SETBP1: variants seen among roughly 807,000 people sequenced by gnomAD.
SETBP1 encodes the protein SET-binding protein.
Under a neutral mutation model 101.0 loss-of-function variants are expected in SETBP1, and 9 were observed. The observed-to-expected ratio is 0.09, with a 90% CI of 0.05 to 0.16. The LOEUF is 0.16. Ranked by LOEUF, SETBP1 falls within the 10% of genes least tolerant of loss-of-function variation. The probability of loss-of-function intolerance (pLI) is 1.00; values close to 1 mark genes in which losing one functional copy is unlikely to be tolerated. For missense variants in SETBP1, 1,858 were observed against 2,033.8 expected (o/e 0.91, Z 1.66); for synonymous variants, 818 against 788.5 (o/e 1.04, Z -0.63).
chr18:44,950,191 T>C lies in SETBP1; in HGVS notation c.851T>C (p.Leu284Pro), dbSNP rs776232526. The change falls in exon 4 of 6, where the codon CTG (leucine) becomes CCG (proline). Residue 284 changes from leucine (L) to proline (P), a missense_variant. Physicochemically the swap from Leu to Pro is moderately conservative, Grantham distance 98. This residue lies in a region of SETBP1 where 581 missense variants were observed against 535.1 expected (regional missense o/e 1.09). Transcript: ENST00000649279. Reference protein sequence around the residue: ...WSQLSNNNKDLLLGGVAPSPS... With the variant: ...WSQLSNNNKDPLLGGVAPSPS... The stretch of plus-strand genomic sequence containing the variant: ...CAGTTGTCTAACAATAACAAAGATC[T>C]GCTCTTGGGAGGTGTGGCTCCATCC... The C allele has an allele frequency of 6.2e-7, 1 of 1,613,922 alleles. No homozygotes were observed. The highest frequency in any genetic ancestry group is 1.1e-5 in the South Asian group (1 of 91,088).
At chr18:44,958,634 A>T (rs2071544867) in intron 4 of SETBP1, among the ~76,000 whole-genome samples, 1 of 152,172 alleles carries the variant, frequency 6.6e-6, no homozygotes, top group Non-Finnish European at 1.5e-5. Context: ...GGGAAGCTTC[A>T]CATCAAGGAG....
intron 4 of SETBP1, among the ~76,000 whole-genome samples, chr18:44,995,569 G>A (rs1371220379): frequency 6.7e-6 from 1 of 150,016 alleles, no homozygotes; most frequent in Non-Finnish European, 1.5e-5. Flanking sequence ...GTGTGTGTGT[G>A]TGTGTATAAA....
chr18:45,040,848 C>T (rs996267091), intron 5 of SETBP1, among the ~76,000 whole-genome samples: 1 of 152,228 alleles, frequency 6.6e-6, no homozygotes. Flanking sequence ...AAATGAGACC[C>T]TCATGAGAAT....
At chr18:45,006,882 C>T (rs559572703) in intron 4 of SETBP1, among the ~76,000 whole-genome samples, 1 of 152,164 alleles carries the variant, frequency 6.6e-6, no homozygotes, top group Admixed American at 6.5e-5. Flanking sequence ...CTCTGTTGCA[C>T]CAAGTGAACT....
chr18:44,739,920 A>G (rs1408522535), intron 2 of SETBP1, among the ~76,000 whole-genome samples: 1 of 152,190 alleles, frequency 6.6e-6, no homozygotes, highest in Non-Finnish European at 1.5e-5. Context: ...TCAGAAGAAT[A>G]GAAAACCTGA....
intron 1 of SETBP1, among the ~76,000 whole-genome samples, chr18:44,685,640 C>A (rs1256126964): frequency 6.6e-6 from 1 of 152,150 alleles, no homozygotes; most frequent in Non-Finnish European, 1.5e-5. Context: ...GCTTACCCTG[C>A]CTACTTCACG....
At chr18:44,852,308 C>A (rs1016073903) in intron 2 of SETBP1, among the ~76,000 whole-genome samples, 1 of 152,202 alleles carries the variant, frequency 6.6e-6, no homozygotes, top group Non-Finnish European at 1.5e-5. Context: ...GTGCCCTCAG[C>A]CTCTTTTGAG....
chr18:44,882,763 G>A (rs1337382371), intron 3 of SETBP1, among the ~76,000 whole-genome samples: 1 of 152,090 alleles, frequency 6.6e-6, no homozygotes, highest in Non-Finnish European at 1.5e-5. Context: ...GATTAGCATG[G>A]CAGGGCTCAT....
chr18:44,965,104 A>G (rs1402734718), intron 4 of SETBP1, among the ~76,000 whole-genome samples: 1 of 152,230 alleles, frequency 6.6e-6, no homozygotes, highest in African/African-American at 2.4e-5. Flanking sequence ...CTTGAATATC[A>G]CTGAATGTTG....
chr18:44,860,204 C>T (rs921533362), intron 2 of SETBP1, among the ~76,000 whole-genome samples: 2 of 152,194 alleles, frequency 1.3e-5, no homozygotes, highest in South Asian at 2.1e-4. Context: ...GATATTCCCT[C>T]AGCACCCAGC....
At chr18:44,990,143 CTG>C (rs2072334780) in intron 4 of SETBP1, among the ~76,000 whole-genome samples, 1 of 151,904 alleles carries the variant, frequency 6.6e-6, no homozygotes, top group Admixed American at 6.6e-5. Context: ...TCTAACAAAA[CTG>C]AGAGTATTTT....
chr18:44,688,613 C>G lies in SETBP1; in HGVS notation c.-173+7592C>G, dbSNP rs985185275. ...GATTATAGTCACCCGCCACCATGCC[C>G]AGCTAATTTTTTATATTTGTTGTAG... On this transcript the variant is annotated intron_variant, in intron 1 of 5. Coordinates refer to ENST00000649279, the MANE Select transcript of SETBP1 (RefSeq NM_015559.3). 6.6e-5 allele frequency among the ~76,000 whole-genome samples: 10 copies of G among 152,066 alleles called. No homozygotes were observed. The South Asian group carries it at 2.1e-3, about 32-fold the overall frequency.
Position 44,970,712 on chromosome 18 carries a change from C to T in SETBP1, c.4000+17372C>T, listed in dbSNP as rs191585878. ...GATTACAGGCACGTGCCACCACACC[C>T]AGCTAATTTTGTATTTTTAGTAGAG... On this transcript the variant is annotated intron_variant, in intron 4 of 5. Transcript: ENST00000649279. Among the ~76,000 whole-genome samples, 572 of 152,110 alleles carry T rather than the reference C, an allele frequency of 3.8e-3. 1 individual carries two copies. The highest frequency in any genetic ancestry group is 0.013 in the African/African-American group (535 of 41,482).
intron 3 of SETBP1, among the ~76,000 whole-genome samples, chr18:44,883,330 G>A (rs916849394): frequency 6.6e-6 from 1 of 152,162 alleles, no homozygotes; most frequent in African/African-American, 2.4e-5. Context: ...GGCTACTAAT[G>A]TAGCTCAGCC....
At chr18:44,697,435 T>A (rs2069038844) in intron 1 of SETBP1, 1 of 152,302 alleles carries the variant, frequency 6.6e-6, no homozygotes, top group Admixed American at 6.5e-5. Context: ...TGGATTATAA[T>A]CCTCAGGATA....
intron 2 of SETBP1, among the ~76,000 whole-genome samples, chr18:44,746,050 T>C (rs1048210821): frequency 3.3e-5 from 5 of 152,176 alleles, no homozygotes; most frequent in Non-Finnish European, 7.3e-5. Context: ...GGGGTCACTC[T>C]GCCACTCTGC....
chr18:44,879,027 C>T (rs1174283648), intron 3 of SETBP1, among the ~76,000 whole-genome samples: 3 of 152,194 alleles, frequency 2.0e-5, no homozygotes, highest in African/African-American at 7.2e-5. Context: ...TTGTACATCT[C>T]TCACCTTCCT....
chr18:45,050,604 TA>T (rs2073705742), intron 5 of SETBP1, among the ~76,000 whole-genome samples: 1 of 152,188 alleles, frequency 6.6e-6, no homozygotes, highest in Non-Finnish European at 1.5e-5. Flanking sequence ...AAATGTGAGT[TA>T]GTGCTACCAA....
intron 4 of SETBP1, among the ~76,000 whole-genome samples, chr18:44,984,346 C>T (rs1003802219): frequency 6.6e-6 from 1 of 152,134 alleles, no homozygotes; most frequent in African/African-American, 2.4e-5. Context: ...ACTGTTCCAC[C>T]TCAGATCATC....
Sources: allele counts gnomAD v4.1 joint callset (sites outside exome capture counted in the v4.1 genomes callset), GRCh38; gene constraint gnomAD v4.1.1; regional missense constraint gnomAD v4.1.1; transcripts MANE v1.5; gene names NCBI Gene and HGNC (gene_info 2026-07-23, HGNC 2026-07-21).